The following EYS variants were observed in gnomAD, a reference collection of about 807,000 sequenced individuals.
EYS encodes the protein EGF-like photoreceptor maintenance factor, also known as protein eyes shut homolog.
In EYS, 250 loss-of-function variants were observed where a neutral mutation model predicts 282.1. That is an observed-to-expected ratio of 0.89 (90% confidence interval 0.80 to 0.98). The LOEUF (loss-of-function observed/expected upper bound fraction) is 0.98. Among genes scored for constraint, EYS ranks in the 50% least tolerant of loss-of-function variants. EYS has a pLI of 0.00. For synonymous variants in EYS, 1,355 were observed against 1,282.9 expected, an observed-to-expected ratio of 1.06 and a Z score of -1.20; for missense variants, 4,016 against 3,709.0, an observed-to-expected ratio of 1.08 and a Z score of -2.15.
intron 1 of EYS, among the ~76,000 whole-genome samples, chr6:65,678,911 A>G (rs548682621): frequency 6.6e-6 from 1 of 152,034 alleles, no homozygotes; most frequent in East Asian, 1.9e-4. Flanking sequence ...ACAATGAAAT[A>G]TCAAGTCATC....
intron 1 of EYS, among the ~76,000 whole-genome samples, chr6:65,663,727 G>T (rs553751695): frequency 4.6e-5 from 7 of 152,112 alleles, no homozygotes; most frequent in Non-Finnish European, 1.0e-4. Context: ...TCTTGCCCAG[G>T]CTGGAGTGCA....
intron 30 of EYS, among the ~76,000 whole-genome samples, chr6:64,277,562 C>A (rs112100858): frequency 2.3e-4 from 35 of 152,176 alleles, no homozygotes; most frequent in African/African-American, 7.2e-4. Flanking sequence ...TGGCCCTAGT[C>A]ATTGGGCAGA....
chr6:65,378,770 AAACT>A (rs749782111), intron 8 of EYS, among the ~76,000 whole-genome samples: 29 of 151,978 alleles, frequency 1.9e-4, no homozygotes, highest in Non-Finnish European at 3.8e-4. Context: ...CATTCTCAGC[AAACT>A]AACACAGGAA....
chr6:64,122,457 C>A (rs1773622256), intron 31 of EYS, among the ~76,000 whole-genome samples: 1 of 152,024 alleles, frequency 6.6e-6, no homozygotes, highest in Non-Finnish European at 1.5e-5. Flanking sequence ...AATAAATATA[C>A]CTAATACGAA....
At chr6:65,302,575 AG>A (rs1768875954) in intron 11 of EYS, 2 of 951,342 alleles carry the variant, frequency 2.1e-6, no homozygotes, top group Non-Finnish European at 3.4e-6. Flanking sequence ...CATGTACCAA[AG>A]GTGACAGCTG....
chr6:64,522,934 G>T (rs1777802220), intron 26 of EYS, among the ~76,000 whole-genome samples: 1 of 151,650 alleles, frequency 6.6e-6, no homozygotes, highest in Non-Finnish European at 1.5e-5. Context: ...ATATCTGGAT[G>T]ATTAATTACA....
intron 35 of EYS, among the ~76,000 whole-genome samples, chr6:63,929,611 G>A (rs925660504): frequency 6.6e-6 from 1 of 152,140 alleles, no homozygotes; most frequent in Non-Finnish European, 1.5e-5. Flanking sequence ...CAGCTGCTTC[G>A]AAAGGAAGGC....
intron 12 of EYS, among the ~76,000 whole-genome samples, chr6:65,140,765 A>G (rs1764316180): frequency 6.6e-6 from 1 of 152,064 alleles, no homozygotes; most frequent in African/African-American, 2.4e-5. Context: ...TGGCCATCAG[A>G]GAAATGCAAA....
At chr6:63,841,944 C>CT (rs1259842380) in intron 36 of EYS, among the ~76,000 whole-genome samples, 1 of 152,102 alleles carries the variant, frequency 6.6e-6, no homozygotes, top group South Asian at 2.1e-4. Flanking sequence ...TGAACTCATT[C>CT]TTTTTTTATG....
At chr6:65,211,608 C>T (rs1331670557) in intron 12 of EYS, among the ~76,000 whole-genome samples, 2 of 152,022 alleles carry the variant, frequency 1.3e-5, no homozygotes, top group Non-Finnish European at 2.9e-5. Context: ...AATATTCTTG[C>T]ATCTATCCAT....
chr6:65,049,646 A>G (rs1314777669), intron 13 of EYS, among the ~76,000 whole-genome samples: 2 of 151,742 alleles, frequency 1.3e-5, no homozygotes, highest in African/African-American at 4.8e-5. Context: ...TTACTTTCCA[A>G]TTTTTCAAAG....
intron 5 of EYS, among the ~76,000 whole-genome samples, chr6:65,476,583 CT>C (rs72415144): frequency 0.025 from 3,651 of 144,216 alleles, 94 homozygotes; most frequent in African/African-American, 0.064. Flanking sequence ...TCTAAAACTG[CT>C]TTTTTTTTTT....
intron 5 of EYS, among the ~76,000 whole-genome samples, chr6:65,412,459 T>C (rs12216295): frequency 0.034 from 5,232 of 152,258 alleles, 129 homozygotes; most frequent in Middle Eastern, 0.082. Context: ...CAGCAATGTA[T>C]AAGAGATTTA....
At chr6:64,012,941 G>T (rs1768712522) in intron 33 of EYS, among the ~76,000 whole-genome samples, 2 of 152,124 alleles carry the variant, frequency 1.3e-5, no homozygotes, top group African/African-American at 4.8e-5. Context: ...AGCGCTCCAT[G>T]ACCTCTAATA....
At chr6:65,181,861 T>G (rs923036759) in intron 12 of EYS, among the ~76,000 whole-genome samples, 1 of 152,062 alleles carries the variant, frequency 6.6e-6, no homozygotes, top group African/African-American at 2.4e-5. Context: ...ATATACACCA[T>G]GGAATACTAT....
chr6:64,187,827 A>AC (rs1554216738), intron 31 of EYS, among the ~76,000 whole-genome samples: 230 of 151,148 alleles, frequency 1.5e-3, no homozygotes, highest in Middle Eastern at 3.5e-3. Flanking sequence ...AATTAGACAG[A>AC]TTTTTTTTTT....
At chr6:64,163,253 T>C (rs542432238) in intron 31 of EYS, among the ~76,000 whole-genome samples, 3 of 152,250 alleles carry the variant, frequency 2.0e-5, no homozygotes, top group Non-Finnish European at 2.9e-5. Flanking sequence ...CTACATAATA[T>C]TATTTTTTCT....
At chr6:65,114,825 T>G (rs1016529352) in intron 12 of EYS, among the ~76,000 whole-genome samples, 24 of 152,116 alleles carry the variant, frequency 1.6e-4, no homozygotes, top group African/African-American at 5.8e-4. Context: ...AATACTCCTA[T>G]GTACTTTATA....
intron 36 of EYS, among the ~76,000 whole-genome samples, chr6:63,825,496 C>G (rs950941672): frequency 6.6e-6 from 1 of 152,198 alleles, no homozygotes; most frequent in Admixed American, 6.5e-5. Context: ...GTCCATCGTG[C>G]CCTTCGCCAC....
Sources: allele counts gnomAD v4.1 joint callset (sites outside exome capture counted in the v4.1 genomes callset), GRCh38; gene constraint gnomAD v4.1.1; transcripts MANE v1.5; gene names NCBI Gene and HGNC (gene_info 2026-07-23, HGNC 2026-07-21).